UPF1: variants seen among roughly 807,000 people sequenced by gnomAD.
UPF1 encodes UPF1 RNA helicase and ATPase.
A neutral mutation model predicts 129.2 loss-of-function variants in UPF1; 9 were observed. That is an observed-to-expected ratio of 0.07 (90% CI 0.04 to 0.12). The LOEUF (loss-of-function observed/expected upper bound fraction) is 0.12. Ranked by LOEUF, UPF1 falls within the 10% of genes least tolerant of loss-of-function variation. UPF1 has a pLI of 1.00. For missense variants in UPF1, 788 were observed against 1,525.3 expected, an observed-to-expected ratio of 0.52 and a Z score of 8.05; for synonymous variants, 649 against 644.9, an observed-to-expected ratio of 1.01 and a Z score of -0.10.
Position 18,846,188 on chromosome 19 carries a change from A to G in UPF1, c.371+69A>G, listed in dbSNP as rs1282515429. ...GGTGCCTCTGGCATGGGCCTGGGAC[A>G]CTCACCTCCCAGGTACAGGGTGGCG... On this transcript the variant is annotated intron_variant, in intron 2 of 23. Transcript: ENST00000262803. The G allele has an allele frequency of 6.9e-6, 11 of 1,589,362 alleles. No individual in the cohort carries two copies. The African/African-American group carries it at 1.1e-4, about 16-fold the overall frequency.
chr19:18,860,315 TCA>T lies in UPF1; in HGVS notation c.2183-3_2183-2del. ...TGAAGTGTTACTTCTTTCCCTCCCC[TCA>T]CAGCGGATCGTGTGAAGAAGGGATT... On this transcript the variant is annotated splice_region_variant and splice_polypyrimidine_tract_variant and intron_variant, in intron 15 of 23. Coordinates refer to ENST00000262803, the MANE Select transcript of UPF1 (RefSeq NM_002911.4). The T allele has an allele frequency of 6.2e-7, 1 of 1,613,858 alleles. No individual in the cohort carries two copies. The highest frequency in any genetic ancestry group is 8.5e-7 in the Non-Finnish European group (1 of 1,179,862).
At chr19:18,861,013 C>T in intron 17 of UPF1, 31 bp downstream of exon 17, 3 of 1,549,826 alleles carry the variant, frequency 1.9e-6, no homozygotes, top group South Asian at 1.2e-5. Context: ...CACTTGGTCT[C>T]CTGGGCCATG....
intron 11 of UPF1, 92 bp downstream of exon 11, chr19:18,855,334 A>G: frequency 7.0e-7 from 1 of 1,421,932 alleles, no homozygotes; most frequent in Non-Finnish European, 9.6e-7. Context: ...GGGCTCTGTC[A>G]CACCGAAGAG....
chr19:18,865,528 T>G lies in UPF1; in HGVS notation c.3020-33T>G. 1 of 1,613,244 alleles carries G rather than the reference T, an allele frequency of 6.2e-7. No individual in the cohort carries two copies. The highest frequency in any genetic ancestry group is 8.5e-7 in the Non-Finnish European group (1 of 1,179,540). ...TGTGCTTGTCTGCGAGGCCCTGGCCTCCTTCGGATCACCCTGGACTGCTGT... is the reference window on the plus strand; with the variant it reads ...TGTGCTTGTCTGCGAGGCCCTGGCCGCCTTCGGATCACCCTGGACTGCTGT... On this transcript the variant is annotated intron_variant, in intron 21 of 23. Coordinates refer to ENST00000262803, the MANE Select transcript of UPF1 (RefSeq NM_002911.4). This position sits in a 1 kb window ranked among gnomAD's most constrained non-coding sequence, Gnocchi z 6.1.
At position 18,850,323 on chromosome 19, in the gene UPF1, A is replaced by T. The variant is rs904755536; in HGVS notation, c.629+81A>T. 5 of 1,496,094 alleles carry T rather than the reference A, an allele frequency of 3.3e-6. No homozygotes were observed. The highest frequency in any genetic ancestry group is 2.4e-5 in the Admixed American group (1 of 42,264). The allele number at this position is 1,496,094 out of a possible 1,614,324, so 92.7% of individuals were successfully genotyped here. A position where few individuals can be genotyped will look rare whatever the true frequency, so the allele number is the denominator to read the frequency against. On this transcript the variant is annotated intron_variant, in intron 4 of 23. Coordinates refer to ENST00000262803, the MANE Select transcript of UPF1 (RefSeq NM_002911.4). The surrounding 1 kb of genome is among the most constrained non-coding windows in gnomAD (Gnocchi z 7.1). ...CACAAGCCTTGGCCCAGCCCAGCCC[A>T]GCCGTGGCTCTAACTCCAGGGAGTT... is the stretch of plus-strand genomic sequence containing the variant.
At chr19:18,855,084 C>T (rs148456786) in intron 10 of UPF1, 40 bp from the exon 11 acceptor site, 26 of 1,613,242 alleles carry the variant, frequency 1.6e-5, no homozygotes, top group Admixed American at 3.3e-5. Context: ...TGGGCCGGGA[C>T]GCAAGCGGAG....
At chr19:18,855,669 A>G in intron 11 of UPF1, 1 of 546,998 alleles carries the variant, frequency 1.8e-6, no homozygotes, top group East Asian at 3.2e-5. Flanking sequence ...GAACAGGGTG[A>G]GACGTCTCTA....
In UPF1 at chr19:18,853,756, GCA is replaced by G. The variant is rs2055685448; in HGVS notation, c.1156+412_1156+413del. ...CAGTGGTCACATGCAGACCCTCTGAGCACACACTTGCTCCCAGGCCATGTTTG... is the reference window on the plus strand; with the variant it reads ...CAGTGGTCACATGCAGACCCTCTGAGCACACTTGCTCCCAGGCCATGTTTG... On this transcript the variant is annotated intron_variant, in intron 8 of 23. Transcript: ENST00000262803. This position sits in a 1 kb window ranked among gnomAD's most constrained non-coding sequence, Gnocchi z 4.4. Among the ~76,000 whole-genome samples the G allele has an allele frequency of 6.6e-6, 1 of 152,240 alleles. No individual in the cohort carries two copies. Among genetic ancestry groups the G allele is most frequent in the Admixed American group, 6.5e-5 (1 of 15,280 alleles).
At chr19:18,856,827 T>C (rs2145960596) in intron 13 of UPF1, 50 bp from the exon 14 acceptor site, 1 of 1,563,444 alleles carries the variant, frequency 6.4e-7, no homozygotes, top group Non-Finnish European at 8.7e-7. Context: ...CTCCGGGGTC[T>C]GGTGGCGTTT....
At chr19:18,841,107 T>A (rs1389506439) in intron 1 of UPF1, among the ~76,000 whole-genome samples, 2 of 152,276 alleles carry the variant, frequency 1.3e-5, no homozygotes, top group Non-Finnish European at 2.9e-5. Context: ...CGGGGATCCA[T>A]GCGCATAGCT....
chr19:18,855,680 C>CAAA, intron 11 of UPF1: 1 of 508,452 alleles, frequency 2.0e-6, no homozygotes, highest in East Asian at 3.5e-5. Flanking sequence ...GACGTCTCTA[C>CAAA]AAAAAAAAAA....
At chr19:18,855,776 A>G (rs968989831) in intron 11 of UPF1, 149 bp from the exon 12 acceptor site, 1 of 1,112,016 alleles carries the variant, frequency 9.0e-7, no homozygotes, top group African/African-American at 1.6e-5. Context: ...TGAGCCCAGG[A>G]TGTTGAGGCT....
At chr19:18,833,633 G>T (rs1052296695) in intron 1 of UPF1, among the ~76,000 whole-genome samples, 2 of 151,146 alleles carry the variant, frequency 1.3e-5, no homozygotes, top group Admixed American at 6.6e-5. Context: ...ATTTCAGGTT[G>T]CTTTCACCTT....
intron 1 of UPF1, among the ~76,000 whole-genome samples, chr19:18,845,041 A>T (rs1014561405): frequency 6.6e-6 from 1 of 152,174 alleles, no homozygotes. Flanking sequence ...CCCCATGAGC[A>T]CCTGTCCCTA....
Position 18,850,044 on chromosome 19 carries a change from G to A in UPF1, c.462-31G>A, listed in dbSNP as rs2055641519. ...GAAGTGGTGAAAAGCCAAATTTTGG[G>A]TGTTAACCGTTTATCATTTCCTGGT... On this transcript the variant is annotated intron_variant, in intron 3 of 23. Transcript: ENST00000262803. This position sits in a 1 kb window ranked among gnomAD's most constrained non-coding sequence, Gnocchi z 7.1. The A allele has an allele frequency of 6.2e-7, 1 of 1,613,668 alleles. No individual in the cohort carries two copies. Among genetic ancestry groups the A allele is most frequent in the East Asian group, 2.2e-5 (1 of 44,874 alleles).
intron 1 of UPF1, among the ~76,000 whole-genome samples, chr19:18,840,839 A>G (rs750666665): frequency 6.6e-6 from 1 of 152,192 alleles, no homozygotes; most frequent in Non-Finnish European, 1.5e-5. Context: ...GTCGAATAGC[A>G]GCTTAAGAGC....
At chr19:18,843,475 A>G (rs1338435695) in intron 1 of UPF1, among the ~76,000 whole-genome samples, 1 of 149,180 alleles carries the variant, frequency 6.7e-6, no homozygotes, top group Non-Finnish European at 1.5e-5. Context: ...TGAGTTTTTG[A>G]ATTTCTGTGG....
At chr19:18,848,598 C>G (rs535407092) in intron 3 of UPF1, among the ~76,000 whole-genome samples, 1 of 151,914 alleles carries the variant, frequency 6.6e-6, no homozygotes. Context: ...AAGAAAATGA[C>G]CAAAGCCCGG....
Position 18,832,260 on chromosome 19 carries a change from C to T in UPF1, c.51C>T (p.Asp17=), listed in dbSNP as rs1278347653. The change falls in exon 1 of 24, where the codon GAC becomes GAT. Residue 17 remains aspartate, a synonymous_variant. Transcript: ENST00000262803. This position sits in a 1 kb window ranked among gnomAD's most constrained non-coding sequence, Gnocchi z 5.6. Reference sequence around the variant, plus strand: ...GCTCGCAGACTCTCACTTTCCTGGACACGGAGGAGGCCGAGCTGCTTGGCG... The same window carrying T: ...GCTCGCAGACTCTCACTTTCCTGGATACGGAGGAGGCCGAGCTGCTTGGCG... ...GPSSQTLTFL[D]TEEAELLGAD... 3.2e-6 allele frequency: 5 copies of T among 1,554,356 alleles called. No homozygotes were observed. Among genetic ancestry groups the T allele is most frequent in the African/African-American group, 2.8e-5 (2 of 70,248 alleles).
Sources: gnomAD v4.1 joint callset for allele counts (sites outside exome capture counted in the v4.1 genomes callset) on GRCh38, gnomAD v4.1.1 for gene constraint, Gnocchi (gnomAD v3.1) non-coding constraint, MANE v1.5 for transcripts, NCBI Gene and HGNC (gene_info 2026-07-23, HGNC 2026-07-21) for gene names.